The following LRRTM4 variants were observed in gnomAD, a reference collection of about 807,000 sequenced individuals.
The protein encoded by LRRTM4 is leucine-rich repeat transmembrane neuronal protein 4.
In LRRTM4, 25 loss-of-function variants were observed where a neutral mutation model predicts 47.6. That is an observed-to-expected ratio of 0.53 (90% confidence interval 0.38 to 0.73). LRRTM4 has a LOEUF of 0.73. Among genes scored for constraint, LRRTM4 ranks in the 30% least tolerant of loss-of-function variants. LRRTM4 has a pLI of 0.00. For synonymous variants in LRRTM4, 311 were observed against 269.5 expected (o/e 1.15, Z -1.51); for missense variants, 638 against 713.4 (o/e 0.89, Z 1.20).
At chr2:77,179,857 A>G (rs1195068981) in intron 3 of LRRTM4, among the ~76,000 whole-genome samples, 1 of 152,162 alleles carries the variant, frequency 6.6e-6, no homozygotes. Flanking sequence ...AATTTCTCTG[A>G]CCTTTAGAAA....
At chr2:77,027,635 T>C (rs76586967) in intron 3 of LRRTM4, among the ~76,000 whole-genome samples, 1 of 152,116 alleles carries the variant, frequency 6.6e-6, no homozygotes, top group Non-Finnish European at 1.5e-5. Flanking sequence ...GCTTTCTGAA[T>C]CACTAAGAGC....
intron 3 of LRRTM4, among the ~76,000 whole-genome samples, chr2:77,206,869 T>G (rs553682034): frequency 6.6e-6 from 1 of 152,132 alleles, no homozygotes; most frequent in African/African-American, 2.4e-5. Context: ...AAAACAACCT[T>G]AATTAAGGCA....
At chr2:77,224,657 A>G (rs989171307) in intron 3 of LRRTM4, among the ~76,000 whole-genome samples, 1 of 152,216 alleles carries the variant, frequency 6.6e-6, no homozygotes, top group Non-Finnish European at 1.5e-5. Context: ...CAAAACCACA[A>G]TGAGATACCA....
At chr2:77,394,794 G>A (rs1673636216) in intron 3 of LRRTM4, among the ~76,000 whole-genome samples, 1 of 151,954 alleles carries the variant, frequency 6.6e-6, no homozygotes, top group African/African-American at 2.4e-5. Context: ...GGAACACGAA[G>A]GCATTCAAGA....
At position 77,042,119 on chromosome 2, in the gene LRRTM4, T is replaced by C. The variant is rs148948539; in HGVS notation, c.1552-293203A>G. Reference sequence around the variant, plus strand: ...ATTGACAAATTCTGAATAAGGCCTATGGTTTTAGATAATAGTATTATATCA... The same window carrying C: ...ATTGACAAATTCTGAATAAGGCCTACGGTTTTAGATAATAGTATTATATCA... On this transcript the variant is annotated intron_variant, in intron 3 of 3. Coordinates refer to ENST00000409884, the MANE Select transcript of LRRTM4 (RefSeq NM_001134745.3). Among the ~76,000 whole-genome samples, 505 of 151,624 alleles carry C rather than the reference T, an allele frequency of 3.3e-3. 1 individual carries two copies. The highest frequency in any genetic ancestry group is 0.012 in the African/African-American group (479 of 41,472).
intron 3 of LRRTM4, among the ~76,000 whole-genome samples, chr2:76,824,409 G>T (rs1291142481): frequency 6.6e-6 from 1 of 151,338 alleles, no homozygotes; most frequent in Non-Finnish European, 1.5e-5. Flanking sequence ...TCTCCTTCAG[G>T]TGTTTTCATG....
chr2:77,297,155 T>C (rs1198285757), intron 3 of LRRTM4, among the ~76,000 whole-genome samples: 1 of 152,146 alleles, frequency 6.6e-6, no homozygotes, highest in Non-Finnish European at 1.5e-5. Flanking sequence ...TGTTTTTGTT[T>C]CCGTTTTGTC....
At chr2:76,886,456 C>T in intron 3 of LRRTM4, among the ~76,000 whole-genome samples, 1 of 152,074 alleles carries the variant, frequency 6.6e-6, no homozygotes, top group East Asian at 1.9e-4. Context: ...GTGAACATTT[C>T]CATGATTAGA....
chr2:77,289,528 C>T (rs1676761127), intron 3 of LRRTM4, among the ~76,000 whole-genome samples: 1 of 151,906 alleles, frequency 6.6e-6, no homozygotes, highest in Admixed American at 6.6e-5. Context: ...AACAAAGAAA[C>T]TTGTTATTTT....
chr2:77,049,069 G>A (rs905765493), intron 3 of LRRTM4, among the ~76,000 whole-genome samples: 9 of 144,772 alleles, frequency 6.2e-5, no homozygotes, highest in African/African-American at 1.0e-4. Context: ...GAGCTCATCC[G>A]TGTTGCTGTG....
At chr2:77,213,830 A>G (rs755639569) in intron 3 of LRRTM4, among the ~76,000 whole-genome samples, 12 of 152,034 alleles carry the variant, frequency 7.9e-5, no homozygotes, top group Non-Finnish European at 1.6e-4. Flanking sequence ...GTTTGCTGAG[A>G]CTCCAGCAGG....
rs185467385 is a variant in LRRTM4 at position 77,153,684 on chromosome 2, C to T, written c.1551+364634G>A. 3.0e-3 allele frequency among the ~76,000 whole-genome samples: 463 copies of T among 152,252 alleles called. 2 individuals carry two copies. The highest frequency in any genetic ancestry group is 0.014 in the South Asian group (66 of 4,824). On this transcript the variant is annotated intron_variant, in intron 3 of 3. Coordinates refer to ENST00000409884, the MANE Select transcript of LRRTM4 (RefSeq NM_001134745.3). ...GCATTTTTAGGGCTAATAGGTTCTGCTCTCATTAACACTAAAAGTTATGAA... is the reference window on the plus strand; with the variant it reads ...GCATTTTTAGGGCTAATAGGTTCTGTTCTCATTAACACTAAAAGTTATGAA...
chr2:76,887,677 G>A (rs1167240870), intron 3 of LRRTM4, among the ~76,000 whole-genome samples: 1 of 130,194 alleles, frequency 7.7e-6, no homozygotes, highest in Non-Finnish European at 1.7e-5. Context: ...ATATATATAT[G>A]TGCACATATG....
chr2:77,053,125 G>T (rs144347624), intron 3 of LRRTM4, among the ~76,000 whole-genome samples: 5 of 152,252 alleles, frequency 3.3e-5, no homozygotes, highest in South Asian at 2.1e-4. Context: ...TAAAGAAACC[G>T]TAACTAGTAG....
intron 3 of LRRTM4, among the ~76,000 whole-genome samples, chr2:76,922,478 C>CA (rs1445128194): frequency 6.6e-6 from 1 of 152,078 alleles, no homozygotes; most frequent in Non-Finnish European, 1.5e-5. Context: ...ATCATCCCCC[C>CA]ACCAGACCCT....
intron 3 of LRRTM4, among the ~76,000 whole-genome samples, chr2:77,356,871 GT>G (rs780701998): frequency 2.0e-5 from 3 of 152,092 alleles, no homozygotes; most frequent in Non-Finnish European, 4.4e-5. Context: ...TACTAAAATT[GT>G]TGTGAAGGCC....
chr2:77,426,784 T>G (rs1231500895), intron 3 of LRRTM4, among the ~76,000 whole-genome samples: 2 of 151,560 alleles, frequency 1.3e-5, no homozygotes, highest in African/African-American at 2.4e-5. Context: ...GTACATAATA[T>G]GTACACACAC....
chr2:77,480,921 G>A (rs1677677543), intron 3 of LRRTM4, among the ~76,000 whole-genome samples: 1 of 150,610 alleles, frequency 6.6e-6, no homozygotes, highest in Admixed American at 6.6e-5. Context: ...ACGTCCAAAT[G>A]ATGCAACGAA....
At chr2:77,070,907 T>G (rs1680133186) in intron 3 of LRRTM4, among the ~76,000 whole-genome samples, 1 of 152,150 alleles carries the variant, frequency 6.6e-6, no homozygotes, top group Non-Finnish European at 1.5e-5. Context: ...TGTGAGCCAC[T>G]GTGCCTGGCC....
Sources: allele counts gnomAD v4.1 joint callset (sites outside exome capture counted in the v4.1 genomes callset), GRCh38; gene constraint gnomAD v4.1.1; transcripts MANE v1.5; gene names NCBI Gene and HGNC (gene_info 2026-07-23, HGNC 2026-07-21).